The following GALNT13 variants were observed in gnomAD, a reference collection of about 807,000 sequenced individuals.
GALNT13 encodes the protein polypeptide N-acetylgalactosaminyltransferase 13.
In GALNT13, 28 loss-of-function variants were observed where a neutral mutation model predicts 64.2. That is an observed-to-expected ratio of 0.44 (90% confidence interval 0.32 to 0.60). The LOEUF (loss-of-function observed/expected upper bound fraction) is 0.60, where lower values mean the gene tolerates loss of function less well. Among genes scored for constraint, GALNT13 ranks in the 20% least tolerant of loss-of-function variants. The pLI, the probability that GALNT13 is intolerant of heterozygous loss-of-function variation, is 0.05. For synonymous variants in GALNT13, 214 were observed against 224.6 expected (o/e 0.95, Z 0.42); for missense variants, 577 against 669.8 (o/e 0.86, Z 1.53).
the GALNT13 span, among the ~76,000 whole-genome samples, chr2:153,451,926 G>C: frequency 6.6e-6 from 1 of 152,238 alleles, no homozygotes; most frequent in East Asian, 1.9e-4. Flanking sequence ...CTTCAAGGCT[G>C]GTTTTGGAAG....
intron 3 of GALNT13, among the ~76,000 whole-genome samples, chr2:153,981,586 A>G (rs1432695242): frequency 6.6e-6 from 1 of 152,128 alleles, no homozygotes; most frequent in African/African-American, 2.4e-5. Flanking sequence ...CCTGATGTAT[A>G]TATGCCACAT....
chr2:153,652,978 A>G, the GALNT13 span, among the ~76,000 whole-genome samples: 8 of 152,150 alleles, frequency 5.3e-5, no homozygotes, highest in African/African-American at 1.7e-4. Context: ...ATATACATAT[A>G]TATGCACACA....
chr2:153,275,624 CTCTT>C, the GALNT13 span, among the ~76,000 whole-genome samples: 1 of 132,952 alleles, frequency 7.5e-6, no homozygotes, highest in East Asian at 2.0e-4. Flanking sequence ...TAATGTCTCT[CTCTT>C]TCTCTCTCAT....
chr2:153,612,589 T>C, the GALNT13 span, among the ~76,000 whole-genome samples: 1 of 151,994 alleles, frequency 6.6e-6, no homozygotes, highest in African/African-American at 2.4e-5. Context: ...ATAAACACTG[T>C]TGACATCTCC....
At chr2:153,620,592 C>T in the GALNT13 span, among the ~76,000 whole-genome samples, 1 of 151,798 alleles carries the variant, frequency 6.6e-6, no homozygotes, top group Non-Finnish European at 1.5e-5. Flanking sequence ...TTTTTTAGCT[C>T]CAGAATTTCT....
At chr2:153,177,318 C>G in the GALNT13 span, among the ~76,000 whole-genome samples, 3 of 151,902 alleles carry the variant, frequency 2.0e-5, no homozygotes, top group Non-Finnish European at 4.4e-5. Flanking sequence ...AAATGTATAT[C>G]TAAAAATCTA....
chr2:153,226,960 C>T, the GALNT13 span, among the ~76,000 whole-genome samples: 1 of 152,168 alleles, frequency 6.6e-6, no homozygotes, highest in Admixed American at 6.5e-5. Context: ...ACTTCATCCT[C>T]TAAAACAGGA....
At chr2:153,618,342 C>T in the GALNT13 span, among the ~76,000 whole-genome samples, 31 of 151,878 alleles carry the variant, frequency 2.0e-4, no homozygotes, top group African/African-American at 7.2e-4. Flanking sequence ...CAAAGTTCCT[C>T]CTGTTATTAA....
the GALNT13 span, among the ~76,000 whole-genome samples, chr2:153,610,832 A>G: frequency 6.6e-6 from 1 of 152,232 alleles, no homozygotes; most frequent in Admixed American, 6.5e-5. Flanking sequence ...TATGAATTGT[A>G]TTAATACTAG....
chr2:154,042,402 G>GAA (rs70981695), intron 3 of GALNT13, among the ~76,000 whole-genome samples: 1 of 137,434 alleles, frequency 7.3e-6, no homozygotes, highest in African/African-American at 2.5e-5. Flanking sequence ...GTCAGTGGGG[G>GAA]AAAAAAAACT....
intron 4 of GALNT13, among the ~76,000 whole-genome samples, chr2:154,220,780 A>G (rs918939835): frequency 2.0e-5 from 3 of 152,096 alleles, no homozygotes; most frequent in African/African-American, 7.2e-5. Flanking sequence ...TTTTAAAGAC[A>G]TTATGCTAAG....
chr2:154,081,205 C>G (rs1438535014), intron 3 of GALNT13, among the ~76,000 whole-genome samples: 1 of 151,544 alleles, frequency 6.6e-6, no homozygotes, highest in African/African-American at 2.4e-5. Context: ...CGTTGCTAAT[C>G]TCCACCCTCG....
chr2:153,720,576 G>T, the GALNT13 span, among the ~76,000 whole-genome samples: 2 of 149,984 alleles, frequency 1.3e-5, no homozygotes, highest in South Asian at 4.2e-4. Context: ...AAATTTAGAA[G>T]AATGTATAAC....
intron 3 of GALNT13, among the ~76,000 whole-genome samples, chr2:154,104,485 T>C (rs1702509668): frequency 6.6e-6 from 1 of 152,176 alleles, no homozygotes; most frequent in African/African-American, 2.4e-5. Context: ...GGAAAAACCT[T>C]GGCTACATCC....
the GALNT13 span, among the ~76,000 whole-genome samples, chr2:153,840,120 G>T: frequency 2.0e-5 from 3 of 152,064 alleles, no homozygotes; most frequent in South Asian, 6.2e-4. Context: ...ATGTAATGTT[G>T]CTCTAATGCA....
At chr2:153,647,399 C>T in the GALNT13 span, among the ~76,000 whole-genome samples, 1 of 152,066 alleles carries the variant, frequency 6.6e-6, no homozygotes, top group Non-Finnish European at 1.5e-5. Context: ...CAAAAATTTT[C>T]TCCCATTCTG....
At chr2:153,117,913 G>A in the GALNT13 span, among the ~76,000 whole-genome samples, 1 of 151,972 alleles carries the variant, frequency 6.6e-6, no homozygotes, top group South Asian at 2.1e-4. Context: ...AATTTGTCAC[G>A]AACTCCAAAA....
At chr2:153,411,601 A>G in the GALNT13 span, among the ~76,000 whole-genome samples, 1 of 152,206 alleles carries the variant, frequency 6.6e-6, no homozygotes, top group Non-Finnish European at 1.5e-5. Flanking sequence ...CTGGGGTAGT[A>G]GCATGAGATG....
In GALNT13 at chr2:154,126,135, T is replaced by A. The variant is rs1682246643; in HGVS notation, c.143-14202T>A. Among the ~76,000 whole-genome samples the A allele has an allele frequency of 2.6e-5, 4 of 152,204 alleles. No individual in the cohort carries two copies. The South Asian group carries it at 8.3e-4, about 32-fold the overall frequency. On this transcript the variant is annotated intron_variant, in intron 3 of 12. Transcript: ENST00000392825. ...ATTTATTGCATCACTCTCCCTTCCC[T>A]GCTCTTTCATCAATCTACTTTTTCC...
Sources: gnomAD v4.1 joint callset for allele counts (sites outside exome capture counted in the v4.1 genomes callset) on GRCh38, gnomAD v4.1.1 for gene constraint, MANE v1.5 for transcripts, NCBI Gene and HGNC (gene_info 2026-07-23, HGNC 2026-07-21) for gene names.